Variants in PHF6 observed in about 807,000 individuals in gnomAD.
PHF6 encodes PHD-like zinc finger protein.
In PHF6, 7 loss-of-function variants were observed where a neutral mutation model predicts 34.0. The ratio of observed to expected loss-of-function variants is 0.21; its 90% CI spans 0.12 to 0.39. The LOEUF (loss-of-function observed/expected upper bound fraction) is 0.39. PHF6 is among the 10% of genes least tolerant of loss of function. The probability of loss-of-function intolerance (pLI) is 1.00; values close to 1 mark genes in which losing one functional copy is unlikely to be tolerated. For synonymous variants in PHF6, 89 were observed against 88.4 expected, an observed-to-expected ratio of 1.01 and a Z score of -0.04; for missense variants, 128 against 262.8, an observed-to-expected ratio of 0.49 and a Z score of 3.55.
At chrX:134,421,939 GTTT>G (rs2077493288) in intron 9 of PHF6, among the ~76,000 whole-genome samples, 1 of 109,115 alleles carries the variant, frequency 9.2e-6, no homozygotes, top group East Asian at 2.8e-4. Flanking sequence ...TTGTTTGTTT[GTTT>G]GTTTTTGAGA....
intron 3 of PHF6, among the ~76,000 whole-genome samples, chrX:134,391,957 A>G (rs2077356461): frequency 8.9e-6 from 1 of 111,844 alleles, no homozygotes; most frequent in Non-Finnish European, 1.9e-5. Flanking sequence ...TTACAGTAAT[A>G]CTTTGAAGTT....
intron 8 of PHF6, among the ~76,000 whole-genome samples, chrX:134,415,885 T>C (rs2077470879): frequency 9.0e-6 from 1 of 111,659 alleles, no homozygotes; most frequent in Non-Finnish European, 1.9e-5. Flanking sequence ...TAGTTGAGTA[T>C]GTATCTCTTA....
At chrX:134,414,631 A>G (rs943514850) in intron 7 of PHF6, among the ~76,000 whole-genome samples, 1 of 107,479 alleles carries the variant, frequency 9.3e-6, no homozygotes, top group Non-Finnish European at 2.0e-5. Context: ...TAGATCTCGT[A>G]TATGTCTAGT....
At chrX:134,409,512 T>C (rs779367524) in intron 5 of PHF6, among the ~76,000 whole-genome samples, 9 of 111,868 alleles carry the variant, frequency 8.0e-5, no homozygotes, top group Non-Finnish European at 1.7e-4. Context: ...GAATCAACTT[T>C]AAGTTTCATT....
In PHF6 at chrX:134,373,362, G is replaced by C. The variant is rs1276090651; in HGVS notation, c.-152G>C. On this transcript the variant is annotated 5_prime_UTR_variant, in exon 1 of 11. Coordinates refer to ENST00000370803, the MANE Select transcript of PHF6 (RefSeq NM_001015877.2). ...CCTCGAATGAAAGGAAACAACCTCC[G>C]GCGACAGAGCCCCGCTCTCAGGCAC... 1 of 112,771 alleles carries C rather than the reference G, an allele frequency of 8.9e-6. No individual in the cohort carries two copies. Among genetic ancestry groups the C allele is most frequent in the Non-Finnish European group, 1.9e-5 (1 of 53,305 alleles). 9.3% of individuals were successfully genotyped at this position (112,771 alleles called of 1,213,427 possible). A position where few individuals can be genotyped will look rare whatever the true frequency, so the allele number is the denominator to read the frequency against.
At position 134,427,217 on chromosome X, in the gene PHF6, T is replaced by G; in HGVS notation, c.*1557T>G. On this transcript the variant is annotated 3_prime_UTR_variant, in exon 11 of 11. Coordinates refer to ENST00000370803, the MANE Select transcript of PHF6 (RefSeq NM_001015877.2). ...CTTTAGTAGTGGGTTGCCCTGTATG[T>G]TTTCTCTTTTTGCTCTTAATATGCC... 6.1e-6 allele frequency: 1 copy of G among 164,976 alleles called. No individual in the cohort carries two copies. Among genetic ancestry groups the G allele is most frequent in the Non-Finnish European group, 1.2e-5 (1 of 84,853 alleles). 13.6% of individuals were successfully genotyped at this position (164,976 alleles called of 1,213,427 possible). A position where few individuals can be genotyped will look rare whatever the true frequency, so the allele number is the denominator to read the frequency against.
At chrX:134,390,998 G>C (rs1203837515) in intron 3 of PHF6, among the ~76,000 whole-genome samples, 32 of 86,519 alleles carry the variant, frequency 3.7e-4, no homozygotes, top group Non-Finnish European at 5.9e-4. Flanking sequence ...TTTTGTGATG[G>C]AGTTTCACTC....
intron 3 of PHF6, 25 bp from the exon 4 acceptor site, chrX:134,393,476 A>T: frequency 8.3e-7 from 1 of 1,205,928 alleles, no homozygotes; most frequent in Non-Finnish European, 1.1e-6. Flanking sequence ...CATACTAATA[A>T]TATTATTTTG....
At chrX:134,395,759 C>T (rs1423353118) in intron 5 of PHF6, among the ~76,000 whole-genome samples, 1 of 112,022 alleles carries the variant, frequency 8.9e-6, no homozygotes, top group Non-Finnish European at 1.9e-5. Context: ...ATAGTTTCCA[C>T]TTCTGGACTC....
chrX:134,402,994 T>C (rs1344627385), intron 5 of PHF6, among the ~76,000 whole-genome samples: 1 of 111,813 alleles, frequency 8.9e-6, no homozygotes, highest in African/African-American at 3.3e-5. Flanking sequence ...TCCATCTCTC[T>C]CCCTCTTTTT....
At chrX:134,405,574 C>A (rs1016283083) in intron 5 of PHF6, among the ~76,000 whole-genome samples, 3 of 111,446 alleles carry the variant, frequency 2.7e-5, no homozygotes, top group African/African-American at 9.8e-5. Flanking sequence ...TGTGATTTAG[C>A]ACACTGTACA....
intron 10 of PHF6, 159 bp downstream of exon 10, chrX:134,425,489 AGTT>A: frequency 1.6e-6 from 1 of 614,420 alleles, no homozygotes; most frequent in Non-Finnish European, 2.5e-6. Context: ...CTTGCATAGT[AGTT>A]GTTTTTTAAC....
chrX:134,378,113 T>G lies in PHF6; in HGVS notation c.240+7T>G. On this transcript the variant is annotated splice_region_variant and intron_variant, in intron 3 of 10. Transcript: ENST00000370803. ...TAAAAGAGGCACGAAGCTGGTAAGT[T>G]GGTATTTCTGCCTCTTGAGAATAAA... 1 of 1,116,300 alleles carries G rather than the reference T, an allele frequency of 9.0e-7. No individual in the cohort carries two copies. The highest frequency in any genetic ancestry group is 1.2e-6 in the Non-Finnish European group (1 of 812,174). 92.0% of individuals were successfully genotyped at this position (1,116,300 alleles called of 1,213,427 possible).
intron 5 of PHF6, among the ~76,000 whole-genome samples, chrX:134,398,932 G>A (rs1420109855): frequency 9.0e-6 from 1 of 111,611 alleles, no homozygotes; most frequent in Non-Finnish European, 1.9e-5. Flanking sequence ...TGTGAGTATA[G>A]ATAATTGCAT....
chrX:134,377,626 C>T lies in PHF6; in HGVS notation c.9C>T (p.Ser3=), dbSNP rs779548130. ...AAGGCAATTTAAAAATCATGTCAAG[C>T]TCAGTTGAACAGAAAAAAGGGCCTA... The part of the protein sequence containing the change: MS[S]SVEQKKGPTR... Residue 3 remains serine, a synonymous_variant, in exon 2 of 11, where the codon AGC becomes AGT. Transcript: ENST00000370803. The T allele has an allele frequency of 5.8e-6, 7 of 1,208,544 alleles. No individual in the cohort carries two copies. The South Asian group carries it at 7.1e-5, about 12-fold the overall frequency.
At chrX:134,416,028 C>T (rs1318398426) in intron 8 of PHF6, among the ~76,000 whole-genome samples, 1 of 110,266 alleles carries the variant, frequency 9.1e-6, no homozygotes, top group Non-Finnish European at 1.9e-5. Context: ...GGTGCGATCT[C>T]GGCTCACTGT....
intron 1 of PHF6, among the ~76,000 whole-genome samples, chrX:134,374,915 C>T (rs1445270134): frequency 8.9e-6 from 1 of 112,056 alleles, no homozygotes; most frequent in African/African-American, 3.2e-5. Context: ...ACTTTGATCT[C>T]CGCATGGCCT....
chrX:134,377,186 A>C lies in PHF6; in HGVS notation c.-46-386A>C, dbSNP rs781265321. On this transcript the variant is annotated intron_variant, in intron 1 of 10. Coordinates refer to ENST00000370803, the MANE Select transcript of PHF6 (RefSeq NM_001015877.2). Reference sequence around the variant, plus strand: ...TATTTCACATATCCTCCAATTTGGAAGCAGTTTGATTTTTCTCAATTACTC... The same window carrying C: ...TATTTCACATATCCTCCAATTTGGACGCAGTTTGATTTTTCTCAATTACTC... Among the ~76,000 whole-genome samples the C allele has an allele frequency of 4.5e-5, 5 of 112,173 alleles. No homozygotes were observed. The South Asian group carries it at 1.8e-3, about 41-fold the overall frequency.
chrX:134,420,173 G>A (rs1184689984), intron 9 of PHF6: 2 of 109,872 alleles, frequency 1.8e-5, no homozygotes, highest in Non-Finnish European at 1.9e-5. Flanking sequence ...AGAAGGCCGG[G>A]CGCAGTGGCT....
Sources: allele counts gnomAD v4.1 joint callset (sites outside exome capture counted in the v4.1 genomes callset), GRCh38; gene constraint gnomAD v4.1.1; transcripts MANE v1.5; gene names NCBI Gene and HGNC (gene_info 2026-07-23, HGNC 2026-07-21).